ARHGEF17: variants seen among roughly 807,000 people sequenced by gnomAD.
The protein encoded by ARHGEF17 is Rho guanine nucleotide exchange factor 17.
ARHGEF17 carries 80 observed loss-of-function variants against 174.0 expected under a neutral mutation model. The observed-to-expected ratio is 0.46, with a 90% confidence interval of 0.38 to 0.55. ARHGEF17 has a LOEUF of 0.55. Among genes scored for constraint, ARHGEF17 ranks in the 20% least tolerant of loss-of-function variants. The pLI is 0.00. For synonymous variants in ARHGEF17, 1,311 were observed against 1,189.1 expected, an observed-to-expected ratio of 1.10 and a Z score of -2.11; for missense variants, 2,886 against 2,839.7, an observed-to-expected ratio of 1.02 and a Z score of -0.37.
chr11:73,366,859 G>A (rs1865848020), intron 20 of ARHGEF17, among the ~76,000 whole-genome samples: 1 of 152,318 alleles, frequency 6.6e-6, no homozygotes, highest in East Asian at 1.9e-4. Flanking sequence ...GGCCAACATG[G>A]TGAAAACCCA....
intron 1 of ARHGEF17, among the ~76,000 whole-genome samples, chr11:73,327,596 T>C (rs1865122624): frequency 6.6e-6 from 1 of 152,152 alleles, no homozygotes; most frequent in East Asian, 1.9e-4. Context: ...AGTAGGAAGT[T>C]GCCAAACATA....
intron 1 of ARHGEF17, among the ~76,000 whole-genome samples, chr11:73,312,288 C>G (rs1864851766): frequency 6.6e-6 from 1 of 152,164 alleles, no homozygotes; most frequent in Admixed American, 6.5e-5. Context: ...TGGGTTTGCC[C>G]TTCTTCGTGT....
chr11:73,308,960 C>T lies in ARHGEF17; in HGVS notation c.322C>T (p.Pro108Ser). Residue 108 changes from proline (P) to serine (S), a missense_variant, in exon 1 of 21, where the codon CCC becomes TCC. Pro to Ser is a moderately conservative substitution (Grantham distance 74). Coordinates refer to ENST00000263674, the MANE Select transcript of ARHGEF17 (RefSeq NM_014786.4). ...SAGTRDGGVL[P>S]AAAEEAAEGP... The stretch of plus-strand genomic sequence containing the variant: ...TGGGACCCGAGACGGAGGCGTCTTA[C>T]CCGCGGCCGCGGAAGAAGCGGCCGA... The T allele has an allele frequency of 7.3e-7, 1 of 1,363,266 alleles. No individual in the cohort carries two copies. The highest frequency in any genetic ancestry group is 9.4e-7 in the Non-Finnish European group (1 of 1,063,744). The allele number at this position is 1,363,266 out of a possible 1,614,324, so 84.4% of individuals were successfully genotyped here.
intron 12 of ARHGEF17, among the ~76,000 whole-genome samples, chr11:73,361,590 G>C (rs546863705): frequency 6.6e-6 from 1 of 152,134 alleles, no homozygotes; most frequent in Admixed American, 6.5e-5. Context: ...GGCAAGGTGC[G>C]GTGGCTTACG....
At position 73,362,617 on chromosome 11, in the gene ARHGEF17, G is replaced by A; in HGVS notation, c.4879G>A (p.Asp1627Asn). ...LEMTPGLGEG[D>N]PRPELVPFDS... ...GATGACGCCGGGCCTCGGCGAGGGT[G>A]ACCCCCGCCCAGAGCTGGTGCCCTT... is the stretch of plus-strand genomic sequence containing the variant. Residue 1627 changes from aspartate to asparagine, a missense_variant, in exon 14 of 21, where the codon GAC becomes AAC. Around this residue, in one of 4 missense-constraint regions of ARHGEF17, gnomAD observed 476 missense variants for 473.1 expected, o/e 1.01. Transcript: ENST00000263674. 6.2e-7 allele frequency: 1 copy of A among 1,611,312 alleles called. No homozygotes were observed. Among genetic ancestry groups the A allele is most frequent in the Non-Finnish European group, 8.5e-7 (1 of 1,180,000 alleles).
At position 73,310,900 on chromosome 11, in the gene ARHGEF17, T is replaced by C. The variant is rs1440033681; in HGVS notation, c.2262T>C (p.Ser754=). The C allele has an allele frequency of 3.7e-6, 6 of 1,613,316 alleles. No homozygotes were observed. The highest frequency in any genetic ancestry group is 2.2e-5 in the South Asian group (2 of 91,068). ...AATSEEPTGF[S]VDSNLLGSLS... Reference sequence around the variant, plus strand: ...CCTCTGAAGAGCCTACTGGGTTCTCTGTGGACAGCAACCTCCTGGGCTCAC... The same window carrying C: ...CCTCTGAAGAGCCTACTGGGTTCTCCGTGGACAGCAACCTCCTGGGCTCAC... Residue 754 remains serine (S), a synonymous_variant, in exon 1 of 21, where the codon TCT becomes TCC. Transcript: ENST00000263674.
chr11:73,357,705 G>A (rs1223621322), intron 9 of ARHGEF17, among the ~76,000 whole-genome samples: 2 of 152,248 alleles, frequency 1.3e-5, no homozygotes, highest in African/African-American at 2.4e-5. Context: ...ACAGACACTC[G>A]CTTGAGTTAC....
Position 73,311,312 on chromosome 11 carries a change from G to T in ARHGEF17, c.2674G>T (p.Ala892Ser), listed in dbSNP as rs930668153. The part of the protein sequence containing the change: ...RAQSERALPE[A>S]LPPPATAHRN... ...ACAGTCTGAAAGGGCCCTACCTGAG[G>T]CTCTGCCTCCCCCTGCCACTGCCCA... Residue 892 changes from alanine (A) to serine (S), a missense_variant, in exon 1 of 21, where the codon GCT becomes TCT. Around this residue, in one of 4 missense-constraint regions of ARHGEF17, gnomAD observed 1,728 missense variants for 1,461.2 expected, o/e 1.18. Coordinates refer to ENST00000263674, the MANE Select transcript of ARHGEF17 (RefSeq NM_014786.4). 7.4e-6 allele frequency: 12 copies of T among 1,613,074 alleles called. No homozygotes were observed. The Admixed American group carries it at 1.2e-4, about 16-fold the overall frequency.
At chr11:73,360,583 A>C in intron 11 of ARHGEF17, 50 bp downstream of exon 11, 1 of 1,596,306 alleles carries the variant, frequency 6.3e-7, no homozygotes, top group Non-Finnish European at 8.6e-7. Context: ...TCCAGGCAGG[A>C]GGCCAGAGGC....
At chr11:73,363,520 T>C in intron 15 of ARHGEF17, 65 bp downstream of exon 15, 7 of 1,559,938 alleles carry the variant, frequency 4.5e-6, no homozygotes, top group Non-Finnish European at 6.1e-6. Flanking sequence ...CTGGAAATCA[T>C]GTGGTCCCCT....
chr11:73,333,685 C>T (rs1423504281), intron 1 of ARHGEF17, among the ~76,000 whole-genome samples: 22 of 152,138 alleles, frequency 1.4e-4, no homozygotes, highest in Non-Finnish European at 1.5e-5. Context: ...CAGAGTGTCA[C>T]CCGGGTCCTG....
At chr11:73,313,087 G>T (rs1864868293) in intron 1 of ARHGEF17, among the ~76,000 whole-genome samples, 1 of 152,182 alleles carries the variant, frequency 6.6e-6, no homozygotes, top group Admixed American at 6.5e-5. Flanking sequence ...GACTGATTCA[G>T]TCACTCCCTT....
At chr11:73,312,853 T>C (rs906107797) in intron 1 of ARHGEF17, among the ~76,000 whole-genome samples, 2 of 152,074 alleles carry the variant, frequency 1.3e-5, no homozygotes, top group African/African-American at 4.8e-5. Flanking sequence ...TCACTCTCCC[T>C]GAGACCCCTC....
chr11:73,345,153 A>G (rs1338151791), intron 1 of ARHGEF17, among the ~76,000 whole-genome samples: 1 of 152,170 alleles, frequency 6.6e-6, no homozygotes, highest in Non-Finnish European at 1.5e-5. Flanking sequence ...CCTTGCTCGC[A>G]CTGCCTCCTT....
chr11:73,366,253 A>G (rs943975920), intron 20 of ARHGEF17, among the ~76,000 whole-genome samples: 1 of 152,240 alleles, frequency 6.6e-6, no homozygotes, highest in African/African-American at 2.4e-5. Flanking sequence ...GAATATGTAT[A>G]TAGAAAATAT....
At chr11:73,329,590 G>A in intron 1 of ARHGEF17, among the ~76,000 whole-genome samples, 1 of 150,996 alleles carries the variant, frequency 6.6e-6, no homozygotes, top group Non-Finnish European at 1.5e-5. Flanking sequence ...AGTAGAGATG[G>A]GAGTTCACCA....
intron 12 of ARHGEF17, 126 bp downstream of exon 12, chr11:73,361,287 A>C (rs1475376460): frequency 5.7e-5 from 48 of 848,588 alleles, no homozygotes; most frequent in Non-Finnish European, 7.6e-6. Context: ...TGGAGAATTC[A>C]GCTCTCTGTA....
intron 9 of ARHGEF17, among the ~76,000 whole-genome samples, chr11:73,358,036 T>C (rs1865674602): frequency 6.6e-6 from 1 of 152,114 alleles, no homozygotes; most frequent in Non-Finnish European, 1.5e-5. Context: ...CTCTAATTGG[T>C]CCAAGTCAAT....
At chr11:73,367,267 T>G (rs1865855214) in intron 20 of ARHGEF17, among the ~76,000 whole-genome samples, 1 of 152,108 alleles carries the variant, frequency 6.6e-6, no homozygotes, top group African/African-American at 2.4e-5. Flanking sequence ...GGACGTTGCG[T>G]GCAGTAATCA....
Sources: allele counts gnomAD v4.1 joint callset (sites outside exome capture counted in the v4.1 genomes callset), GRCh38; gene constraint gnomAD v4.1.1; regional missense constraint gnomAD v4.1.1; transcripts MANE v1.5; gene names NCBI Gene and HGNC (gene_info 2026-07-23, HGNC 2026-07-21).